DNAJC1: variants seen among roughly 807,000 people sequenced by gnomAD.
DNAJC1 encodes the protein dnaJ homolog subfamily C member 1.
DNAJC1 carries 58 observed loss-of-function variants against 76.6 expected under a neutral mutation model. The observed-to-expected ratio is 0.76, with a 90% CI of 0.61 to 0.94. DNAJC1 has a LOEUF of 0.94. Ranked by LOEUF, DNAJC1 falls within the 40% of genes least tolerant of loss-of-function variation. The probability of loss-of-function intolerance (pLI) is 0.00; values close to 1 mark genes in which losing one functional copy is unlikely to be tolerated. For missense variants in DNAJC1, 689 were observed against 677.3 expected (o/e 1.02, Z -0.19); for synonymous variants, 258 against 267.9 (o/e 0.96, Z 0.36).
chr10:21,769,670 C>T (rs1458538689), intron 9 of DNAJC1, among the ~76,000 whole-genome samples: 1 of 152,106 alleles, frequency 6.6e-6, no homozygotes, highest in East Asian at 1.9e-4. Flanking sequence ...AAAAACTAAA[C>T]TCATCAGTTT....
Position 21,882,403 on chromosome 10 carries a change from G to C in DNAJC1, c.857C>G (p.Pro286Arg). Reference protein sequence around the residue: ...KKVKKPKPEFPVYTPLETTYI... With the variant: ...KKVKKPKPEFRVYTPLETTYI... ...TGTAGTTTCTAAAGGTGTGTATACA[G>C]GAAATTCAGGTTTTGGTTTTTTAAC... Residue 286 changes from proline to arginine, a missense_variant, in exon 8 of 12, where the codon CCT becomes CGT. Coordinates refer to ENST00000376980, the MANE Select transcript of DNAJC1 (RefSeq NM_022365.4). 6.6e-7 allele frequency: 1 copy of C among 1,524,484 alleles called. No individual in the cohort carries two copies. The highest frequency in any genetic ancestry group is 8.7e-7 in the Non-Finnish European group (1 of 1,143,410). The allele number at this position is 1,524,484 out of a possible 1,614,324, so 94.4% of individuals were successfully genotyped here.
intron 3 of DNAJC1, among the ~76,000 whole-genome samples, chr10:21,925,951 G>A (rs1213514797): frequency 6.6e-6 from 1 of 152,136 alleles, no homozygotes; most frequent in African/African-American, 2.4e-5. Flanking sequence ...CCCAAATAAG[G>A]ATGTTAAAAA....
chr10:21,842,956 A>G (rs990593370), intron 8 of DNAJC1, among the ~76,000 whole-genome samples: 40 of 152,322 alleles, frequency 2.6e-4, no homozygotes, highest in South Asian at 2.1e-4. Context: ...TACCTTATAC[A>G]TAGTAGTCAA....
chr10:21,964,921 T>C (rs1338469808), intron 1 of DNAJC1, among the ~76,000 whole-genome samples: 4 of 152,144 alleles, frequency 2.6e-5, no homozygotes, highest in Non-Finnish European at 4.4e-5. Context: ...TAATCTGTCT[T>C]TTCTCTTTGA....
intron 8 of DNAJC1, among the ~76,000 whole-genome samples, chr10:21,821,854 A>C (rs1410495870): frequency 5.3e-5 from 8 of 151,934 alleles, no homozygotes; most frequent in Admixed American, 1.3e-4. Context: ...AAAAAAAAAA[A>C]AACAACTGAG....
At chr10:21,944,577 T>C (rs1439086589) in intron 1 of DNAJC1, among the ~76,000 whole-genome samples, 1 of 151,996 alleles carries the variant, frequency 6.6e-6, no homozygotes, top group Non-Finnish European at 1.5e-5. Context: ...ATGGCACAGG[T>C]AAGAGAGATT....
intron 7 of DNAJC1, among the ~76,000 whole-genome samples, chr10:21,889,282 A>C (rs890613419): frequency 1.3e-5 from 2 of 152,146 alleles, no homozygotes; most frequent in African/African-American, 4.8e-5. Flanking sequence ...CAAGAAGAGC[A>C]CGAAGGGGAT....
At chr10:21,985,650 T>C in intron 1 of DNAJC1, among the ~76,000 whole-genome samples, 1 of 152,210 alleles carries the variant, frequency 6.6e-6, no homozygotes, top group African/African-American at 2.4e-5. Flanking sequence ...TCACTTAACA[T>C]AATGTTCTTG....
chr10:21,963,525 T>A (rs1837837485), intron 1 of DNAJC1, among the ~76,000 whole-genome samples: 1 of 152,218 alleles, frequency 6.6e-6, no homozygotes, highest in African/African-American at 2.4e-5. Flanking sequence ...CAAAGAAAAC[T>A]ATTATGTAAA....
At chr10:21,870,688 T>C (rs1370050069) in intron 8 of DNAJC1, among the ~76,000 whole-genome samples, 1 of 152,012 alleles carries the variant, frequency 6.6e-6, no homozygotes, top group Non-Finnish European at 1.5e-5. Flanking sequence ...GGTGGGAGGA[T>C]TGCTTGAGCC....
At chr10:21,834,491 C>T (rs561144858) in intron 8 of DNAJC1, among the ~76,000 whole-genome samples, 21 of 152,160 alleles carry the variant, frequency 1.4e-4, no homozygotes, top group Admixed American at 2.0e-4. Context: ...GTAGGTGCAG[C>T]GCACCGTACG....
chr10:21,896,190 C>T (rs533636904), intron 7 of DNAJC1, among the ~76,000 whole-genome samples: 7 of 152,296 alleles, frequency 4.6e-5, no homozygotes, highest in African/African-American at 1.7e-4. Flanking sequence ...GACCTCAGAA[C>T]TGCAGAGCCA....
At chr10:21,840,129 A>T (rs1024356790) in intron 8 of DNAJC1, among the ~76,000 whole-genome samples, 2 of 152,186 alleles carry the variant, frequency 1.3e-5, no homozygotes. Flanking sequence ...TCTATGACAA[A>T]CTCACAGCCA....
intron 1 of DNAJC1, among the ~76,000 whole-genome samples, chr10:21,994,392 T>C (rs1838379234): frequency 6.6e-6 from 1 of 152,190 alleles, no homozygotes; most frequent in African/African-American, 2.4e-5. Context: ...CTTCCAAACG[T>C]GTGATATAAA....
intron 1 of DNAJC1, among the ~76,000 whole-genome samples, chr10:21,938,291 C>T (rs55702118): frequency 0.047 from 7,081 of 150,826 alleles, 339 homozygotes; most frequent in African/African-American, 0.12. Flanking sequence ...CATGCCAAAA[C>T]GTAGGATGTG....
chr10:21,795,868 A>C (rs1292545179), intron 9 of DNAJC1, among the ~76,000 whole-genome samples: 1 of 152,152 alleles, frequency 6.6e-6, no homozygotes, highest in Non-Finnish European at 1.5e-5. Context: ...TAACTCATAA[A>C]AATGGAATCA....
intron 9 of DNAJC1, among the ~76,000 whole-genome samples, chr10:21,796,363 T>C (rs1834750705): frequency 6.6e-6 from 1 of 152,198 alleles, no homozygotes; most frequent in Non-Finnish European, 1.5e-5. Flanking sequence ...TTAGGCTGTT[T>C]CCATGTCTTG....
chr10:21,902,328 T>C (rs994798233), intron 7 of DNAJC1, among the ~76,000 whole-genome samples: 5 of 151,576 alleles, frequency 3.3e-5, no homozygotes, highest in African/African-American at 7.3e-5. Context: ...TAAAAGAGAC[T>C]TTTTTTTTGA....
rs952572154 is a variant in DNAJC1, at chr10:21,797,792, A to C, written c.1098+8188T>G. On this transcript the variant is annotated intron_variant, in intron 9 of 11. Coordinates refer to ENST00000376980, the MANE Select transcript of DNAJC1 (RefSeq NM_022365.4). ...TCTACAGTGGGATGACGCAGCAAGA[A>C]GGCCCTTGCCAGACGTGGGCCCCTT... 2.6e-5 allele frequency among the ~76,000 whole-genome samples: 4 copies of C among 152,288 alleles called. No homozygotes were observed. The South Asian group carries it at 8.3e-4, about 32-fold the overall frequency.
Sources: gnomAD v4.1 joint callset for allele counts (sites outside exome capture counted in the v4.1 genomes callset) on GRCh38, gnomAD v4.1.1 for gene constraint, MANE v1.5 for transcripts, NCBI Gene and HGNC (gene_info 2026-07-23, HGNC 2026-07-21) for gene names.